KIF18B: variants seen among roughly 807,000 people sequenced by gnomAD.
The protein encoded by KIF18B is kinesin-like protein KIF18B.
Under a neutral mutation model 80.9 loss-of-function variants are expected in KIF18B, and 49 were observed. That is an observed-to-expected ratio of 0.61 (90% CI 0.48 to 0.77). KIF18B has a LOEUF of 0.77. Ranked by LOEUF, KIF18B falls within the 30% of genes least tolerant of loss-of-function variation. The pLI is 0.00. For synonymous variants in KIF18B, 439 were observed against 463.9 expected (o/e 0.95, Z 0.69); for missense variants, 994 against 1,127.7 (o/e 0.88, Z 1.70).
In KIF18B at chr17:44,928,243, G is replaced by A; in HGVS notation, c.2059C>T (p.Pro687Ser). 3 of 1,613,648 alleles carry A rather than the reference G, an allele frequency of 1.9e-6. No homozygotes were observed. Among genetic ancestry groups the A allele is most frequent in the South Asian group, 1.1e-5 (1 of 91,062 alleles). ...ATGACTGTGGCTGGGCAAACGCGAG[G>A]GGAATGGCAGGGGGAGGAGGCCCTT... ...GERASSPCHS[P>S]RVCPATVIKS... is the part of the protein sequence containing the mutation. The change falls in exon 13 of 16, where the codon CCT (proline) becomes TCT (serine). Residue 687 changes from proline (P) to serine (S), a missense_variant. Physicochemically the swap from Pro to Ser is moderately conservative, Grantham distance 74. Transcript: ENST00000593135.
chr17:44,926,263 C>A (rs921455971), intron 15 of KIF18B, 77 bp from the exon 16 acceptor site: 25 of 1,594,000 alleles, frequency 1.6e-5, no homozygotes, highest in Non-Finnish European at 1.9e-5. Context: ...CTCCAGCCCA[C>A]CTCCCACCTG....
chr17:44,943,266 A>G (rs2052452505), intron 1 of KIF18B, among the ~76,000 whole-genome samples: 1 of 151,700 alleles, frequency 6.6e-6, no homozygotes, highest in African/African-American at 2.4e-5. Context: ...CGCCCGACTA[A>G]TTTTTTGTAT....
chr17:44,937,054 T>C (rs2052326799), intron 1 of KIF18B, among the ~76,000 whole-genome samples: 1 of 151,878 alleles, frequency 6.6e-6, no homozygotes, highest in Non-Finnish European at 1.5e-5. Flanking sequence ...CATGTATCTC[T>C]GTCTATTCTT....
rs57955845 is a variant in KIF18B at position 44,947,113 on chromosome 17, C to CAAAAAAAA, written c.-15+507_-15+514dup. Among the ~76,000 whole-genome samples the CAAAAAAAA allele has an allele frequency of 1.9e-3, 105 of 54,004 alleles. 7 individuals carry two copies. Among genetic ancestry groups the CAAAAAAAA allele is most frequent in the African/African-American group, 3.0e-3 (46 of 15,390 alleles). 35.4% of individuals were successfully genotyped at this position (54,004 alleles called of 152,430 possible). On this transcript the variant is annotated intron_variant, in intron 1 of 15. Coordinates refer to ENST00000593135, the MANE Select transcript of KIF18B (RefSeq NM_001265577.2). ...GACAGAGAGAGAGAGACTCCATCTC[C>CAAAAAAAA]AAAAAAAAAAAAAAAAAAAAAAAAA...
chr17:44,928,283 G>T lies in KIF18B; in HGVS notation c.2019C>A (p.Ser673Arg), dbSNP rs759020657. Residue 673 changes from serine (S) to arginine (R), a missense_variant, in exon 13 of 16, where the codon AGC (serine) becomes AGA (arginine). Transcript: ENST00000593135. ...AGGAGGCCCTTTCTCCTTTGGGGGT[G>T]CTGGGCCCCTGTGAAGGTTGGGTGT... The part of the protein sequence containing the change: ...LPDTQPSQGP[S>R]TPKGERASSP... 19 of 1,613,324 alleles carry T rather than the reference G, an allele frequency of 1.2e-5. No individual in the cohort carries two copies. In the Admixed American group the frequency reaches 3.0e-4, roughly 25 times the overall value.
intron 1 of KIF18B, among the ~76,000 whole-genome samples, chr17:44,937,921 T>C (rs1004829407): frequency 1.3e-5 from 2 of 152,026 alleles, no homozygotes; most frequent in Non-Finnish European, 2.9e-5. Flanking sequence ...CTTGTTTTAC[T>C]TGGGGTTATT....
intron 1 of KIF18B, among the ~76,000 whole-genome samples, chr17:44,943,890 A>AT (rs952832214): frequency 1.3e-5 from 2 of 151,810 alleles, no homozygotes; most frequent in African/African-American, 2.4e-5. Context: ...CTAATTTTTA[A>AT]TTTTTTTGTA....
In KIF18B at chr17:44,927,518, G is replaced by C. The variant is rs564561783; in HGVS notation, c.2277-440C>G. ...CCCTCCTCTGCCATGTGTGTGGAAA[G>C]GGGGAGTGACAGCTTCGTCTTCTCA... On this transcript the variant is annotated intron_variant, in intron 13 of 15. Coordinates refer to ENST00000593135, the MANE Select transcript of KIF18B (RefSeq NM_001265577.2). The surrounding 1 kb of genome is among the most constrained non-coding windows in gnomAD (Gnocchi z 4.1). Among the ~76,000 whole-genome samples the C allele has an allele frequency of 3.3e-5, 5 of 152,344 alleles. No individual in the cohort carries two copies. The highest frequency in any genetic ancestry group is 1.2e-4 in the African/African-American group (5 of 41,580).
intron 3 of KIF18B, 95 bp from the exon 4 acceptor site, chr17:44,935,030 T>C (rs958574853): frequency 3.1e-6 from 3 of 973,088 alleles, no homozygotes; most frequent in African/African-American, 1.6e-5. Flanking sequence ...CCGGGATGTA[T>C]CTGAGACACC....
At chr17:44,947,477 C>A (rs1485241885) in intron 1 of KIF18B, among the ~76,000 whole-genome samples, 151 bp downstream of exon 1, 1 of 152,220 alleles carries the variant, frequency 6.6e-6, no homozygotes, top group Non-Finnish European at 1.5e-5. Context: ...CCTGCCGGGG[C>A]GGCAGCAAAG....
At position 44,935,388 on chromosome 17, in the gene KIF18B, C is replaced by T; in HGVS notation, c.342G>A (p.Gly114=). The change falls in exon 3 of 16, where the codon GGG becomes GGA. Residue 114 remains glycine, a synonymous_variant. Transcript: ENST00000593135. The stretch of plus-strand genomic sequence containing the variant: ...CCCTTCCCAGCATGGTGTGTGTCTT[C>T]CCAGCCCCGGTGGCCCCGTAGGCAA... ...SVFAYGATGA[G]KTHTMLGREG... The T allele has an allele frequency of 6.2e-7, 1 of 1,612,320 alleles. No homozygotes were observed. Among genetic ancestry groups the T allele is most frequent in the Non-Finnish European group, 8.5e-7 (1 of 1,178,970 alleles).
intron 1 of KIF18B, among the ~76,000 whole-genome samples, chr17:44,939,305 A>G (rs1310732366): frequency 8.2e-6 from 1 of 122,630 alleles, no homozygotes; most frequent in African/African-American, 3.1e-5. Context: ...TGGGAGGCGG[A>G]GGTTGCAGTG....
chr17:44,942,559 TG>T (rs997356946), intron 1 of KIF18B, among the ~76,000 whole-genome samples: 11 of 152,234 alleles, frequency 7.2e-5, no homozygotes, highest in Admixed American at 2.0e-4. Flanking sequence ...CAGGCGATGC[TG>T]TAGCCCCCTT....
rs2052047234 is a variant in KIF18B, at chr17:44,927,170, G to C, written c.2277-92C>G. On this transcript the variant is annotated intron_variant, in intron 13 of 15. Transcript: ENST00000593135. The surrounding 1 kb of genome is among the most constrained non-coding windows in gnomAD (Gnocchi z 4.1). ...CCCTCCAGCCCCCAGCTCGGGCATGGGGGAGGGTGGTTGGACAAGATGACC... is the reference window on the plus strand; with the variant it reads ...CCCTCCAGCCCCCAGCTCGGGCATGCGGGAGGGTGGTTGGACAAGATGACC... 1.1e-6 allele frequency: 1 copy of C among 929,818 alleles called. No individual in the cohort carries two copies. The highest frequency in any genetic ancestry group is 1.7e-5 in the South Asian group (1 of 59,360). 57.6% of individuals were successfully genotyped at this position (929,818 alleles called of 1,614,324 possible).
At position 44,935,431 on chromosome 17, in the gene KIF18B, G is replaced by T. The variant is rs560408004; in HGVS notation, c.314-15C>A. Reference sequence around the variant, plus strand: ...GTAGGCAAACACTGCAGAGGACATAGTAAGGAGGAGGACCCCAGTGCCTTG... The same window carrying T: ...GTAGGCAAACACTGCAGAGGACATATTAAGGAGGAGGACCCCAGTGCCTTG... On this transcript the variant is annotated splice_polypyrimidine_tract_variant and intron_variant, in intron 2 of 15. Transcript: ENST00000593135. 6.3e-7 allele frequency: 1 copy of T among 1,584,756 alleles called. No individual in the cohort carries two copies. The highest frequency in any genetic ancestry group is 1.2e-5 in the South Asian group (1 of 86,464).
intron 1 of KIF18B, among the ~76,000 whole-genome samples, chr17:44,936,671 G>T (rs2052319129): frequency 1.1e-5 from 1 of 93,138 alleles, no homozygotes; most frequent in Non-Finnish European, 1.9e-5. Flanking sequence ...ACGGACTCTT[G>T]CTCTGTCGCC....
At chr17:44,935,729 C>A (rs1411561641) in intron 2 of KIF18B, among the ~76,000 whole-genome samples, 1 of 152,144 alleles carries the variant, frequency 6.6e-6, no homozygotes, top group Non-Finnish European at 1.5e-5. Flanking sequence ...CTGGTTTATC[C>A]CCACACACTG....
chr17:44,942,538 TC>T (rs1304947882), intron 1 of KIF18B, among the ~76,000 whole-genome samples: 3 of 152,188 alleles, frequency 2.0e-5, no homozygotes, highest in Admixed American at 1.3e-4. Context: ...CCCCTGGACG[TC>T]CTATTTTTAC....
rs773227557 is a variant in KIF18B at position 44,929,028 on chromosome 17, G to A, written c.1518-4C>T. 3.2e-5 allele frequency: 52 copies of A among 1,613,752 alleles called. No homozygotes were observed. Among genetic ancestry groups the A allele is most frequent in the Admixed American group, 3.2e-4 (19 of 60,032 alleles). ...GCACAGCACCTTTAGGGCCAACCTG[G>A]AACAGAAGAAAGGGGATTCCCAGCC... On this transcript the variant is annotated splice_region_variant and splice_polypyrimidine_tract_variant and intron_variant, in intron 11 of 15. Coordinates refer to ENST00000593135, the MANE Select transcript of KIF18B (RefSeq NM_001265577.2).
Sources: gnomAD v4.1 joint callset for allele counts (sites outside exome capture counted in the v4.1 genomes callset) on GRCh38, gnomAD v4.1.1 for gene constraint, Gnocchi (gnomAD v3.1) non-coding constraint, MANE v1.5 for transcripts, NCBI Gene and HGNC (gene_info 2026-07-23, HGNC 2026-07-21) for gene names.